TP73: variants seen among roughly 807,000 people sequenced by gnomAD.
TP73 encodes tumor protein p73.
A neutral mutation model predicts 62.5 loss-of-function variants in TP73; 25 were observed. The observed-to-expected ratio is 0.40, with a 90% CI of 0.29 to 0.56. The LOEUF (loss-of-function observed/expected upper bound fraction) is 0.56. TP73 is among the 20% of genes least tolerant of loss of function. TP73 has a pLI of 0.46. For missense variants in TP73, 754 were observed against 913.3 expected (o/e 0.83, Z 2.25); for synonymous variants, 423 against 377.5 (o/e 1.12, Z -1.40).
At chr1:3,702,719 CT>C (rs1639278592) in intron 3 of TP73, among the ~76,000 whole-genome samples, 1 of 152,266 alleles carries the variant, frequency 6.6e-6, no homozygotes, top group African/African-American at 2.4e-5. Context: ...CCGCGCACTC[CT>C]TGGGTCAGGC....
chr1:3,663,695 CAA>C lies in TP73; in HGVS notation c.-34+11068_-34+11069del, dbSNP rs36060423. Among the ~76,000 whole-genome samples the C allele has an allele frequency of 1.9e-4, 25 of 131,114 alleles. No homozygotes were observed. Among genetic ancestry groups the C allele is most frequent in the Non-Finnish European group, 1.7e-4 (10 of 59,592 alleles). The allele number at this position is 131,114 out of a possible 152,430, so 86.0% of individuals were successfully genotyped here. A position where few individuals can be genotyped will look rare whatever the true frequency, so the allele number is the denominator to read the frequency against. On this transcript the variant is annotated intron_variant, in intron 1 of 13. Coordinates refer to ENST00000378295, the MANE Select transcript of TP73 (RefSeq NM_005427.4). The surrounding 1 kb of genome is among the most constrained non-coding windows in gnomAD (Gnocchi z 4.7). ...CGTGCAACAATGCGAGACTCCATCT[CAA>C]AAAAAAAAAAAAAGAAAGAAAGAAA...
rs139554277 is a variant in TP73 at position 3,730,057 on chromosome 1, C to A, written c.1254C>A (p.His418Gln). ...GPVLSPMNKV[H>Q]GGMNKLPSVN... is the part of the protein sequence containing the mutation. The stretch of plus-strand genomic sequence containing the variant: ...TCCTCTCGCCCATGAACAAGGTGCA[C>A]GGGGGCATGAACAAGCTGCCCTCCG... The change falls in exon 11 of 14, where the codon CAC (histidine) becomes CAA (glutamine). Residue 418 changes from histidine (H) to glutamine (Q), a missense_variant. His to Gln is a conservative substitution (Grantham distance 24, BLOSUM62 0). Around this residue, in one of 3 missense-constraint regions of TP73, gnomAD observed 458 missense variants for 528.7 expected, o/e 0.87. Transcript: ENST00000378295. The A allele has an allele frequency of 3.1e-5, 50 of 1,607,644 alleles. No homozygotes were observed. Among genetic ancestry groups the A allele is most frequent in the Non-Finnish European group, 4.1e-5 (48 of 1,177,696 alleles).
chr1:3,653,251 G>C (rs767432155), intron 1 of TP73, among the ~76,000 whole-genome samples: 1 of 152,230 alleles, frequency 6.6e-6, no homozygotes, highest in Admixed American at 6.5e-5. Flanking sequence ...TCTGTCGAGG[G>C]CTCCTGGCCT....
intron 4 of TP73, among the ~76,000 whole-genome samples, chr1:3,719,306 CAA>C (rs1640871229): frequency 6.6e-6 from 1 of 152,210 alleles, no homozygotes; most frequent in South Asian, 2.1e-4. Flanking sequence ...GCTCTGCACA[CAA>C]GAGGTGCTCC....
At chr1:3,723,520 TCG>T in intron 6 of TP73, 51 bp downstream of exon 6, 2 of 588,164 alleles carry the variant, frequency 3.4e-6, no homozygotes, top group East Asian at 3.2e-5. Flanking sequence ...GCTGTACGGG[TCG>T]GGGGAGGGGT....
At chr1:3,671,249 G>T (rs562451450) in intron 1 of TP73, among the ~76,000 whole-genome samples, 1 of 152,194 alleles carries the variant, frequency 6.6e-6, no homozygotes, top group Non-Finnish European at 1.5e-5. Flanking sequence ...AGCTGGGAGC[G>T]TGACGGGAAG....
At chr1:3,684,302 AC>A (rs1645597097) in intron 3 of TP73, among the ~76,000 whole-genome samples, 7 of 152,208 alleles carry the variant, frequency 4.6e-5, no homozygotes, top group African/African-American at 4.8e-5. Flanking sequence ...CTGTGGGGAT[AC>A]GCGGAACAGC....
intron 4 of TP73, 93 bp from the exon 5 acceptor site, chr1:3,721,928 C>T (rs1342638027): frequency 9.6e-6 from 13 of 1,357,374 alleles, no homozygotes; most frequent in Non-Finnish European, 1.3e-5. Flanking sequence ...GAAGGGGCAC[C>T]CATGGGGAGG....
intron 3 of TP73, among the ~76,000 whole-genome samples, chr1:3,702,129 T>C (rs1303333807): frequency 2.6e-5 from 4 of 152,176 alleles, no homozygotes; most frequent in African/African-American, 9.7e-5. Context: ...CGTCCCCAGC[T>C]TGGCCGACGG....
intron 3 of TP73, among the ~76,000 whole-genome samples, chr1:3,693,326 G>C (rs954399297): frequency 2.6e-5 from 4 of 152,210 alleles, no homozygotes; most frequent in Non-Finnish European, 1.5e-5. Context: ...TGGTGGCTTT[G>C]TGAGGCCCTG....
intron 3 of TP73, among the ~76,000 whole-genome samples, chr1:3,687,255 T>G (rs1400796012): frequency 6.6e-6 from 1 of 152,142 alleles, no homozygotes; most frequent in East Asian, 1.9e-4. Flanking sequence ...GAGCCACAGC[T>G]AAAACTGGCC....
intron 4 of TP73, among the ~76,000 whole-genome samples, chr1:3,720,515 T>C (rs917446897): frequency 1.3e-5 from 2 of 152,206 alleles, no homozygotes; most frequent in Non-Finnish European, 2.9e-5. Context: ...CAGACCAGCG[T>C]TCCTGGCTGG....
chr1:3,708,341 C>A (rs1639849174), intron 4 of TP73: 1 of 165,680 alleles, frequency 6.0e-6, no homozygotes, highest in Non-Finnish European at 1.3e-5. Context: ...CAGGTCCTCA[C>A]TGCGGTGCCC....
At chr1:3,660,428 G>A (rs546672321) in intron 1 of TP73, among the ~76,000 whole-genome samples, 1 of 152,244 alleles carries the variant, frequency 6.6e-6, no homozygotes, top group Non-Finnish European at 1.5e-5. Flanking sequence ...TGATATTCCG[G>A]TCAAACACTT....
intron 1 of TP73, among the ~76,000 whole-genome samples, chr1:3,679,847 CTCTG>C (rs1645477490): frequency 6.7e-6 from 1 of 150,234 alleles, no homozygotes; most frequent in South Asian, 2.1e-4. Context: ...CCTTGTATCT[CTCTG>C]TCTCTCTTTG....
chr1:3,733,873 T>C lies in TP73; in HGVS notation c.*794T>C, dbSNP rs1642314346. 6.6e-6 allele frequency: 1 copy of C among 151,774 alleles called. No homozygotes were observed. The highest frequency in any genetic ancestry group is 2.4e-5 in the African/African-American group (1 of 41,328). The allele number at this position is 151,774 out of a possible 1,614,324, so 9.4% of individuals were successfully genotyped here. ...AGCCTGTCCTTAGAGGACTGGAAAT[T>C]GTCAATATTTGATAAAATGATACCC... On this transcript the variant is annotated 3_prime_UTR_variant, in exon 14 of 14. Coordinates refer to ENST00000378295, the MANE Select transcript of TP73 (RefSeq NM_005427.4).
intron 4 of TP73, among the ~76,000 whole-genome samples, chr1:3,709,716 C>G (rs1639974776): frequency 3.3e-5 from 5 of 152,242 alleles, no homozygotes; most frequent in Non-Finnish European, 2.9e-5. Context: ...AGTCCACTCT[C>G]TCCCCTCTAA....
Position 3,722,258 on chromosome 1 carries a change from G to A in TP73, c.616+51G>A, listed in dbSNP as rs370902308. 5.9e-4 allele frequency: 947 copies of A among 1,600,816 alleles called. 10 individuals carry two copies. In the East Asian group the frequency reaches 0.017, roughly 28 times the overall value. ...ACGGTGGCACTTTGCCCAGCATCCC[G>A]GACAGCACAGCCGGGGGCTGCCTAA... On this transcript the variant is annotated intron_variant, in intron 5 of 13. Coordinates refer to ENST00000378295, the MANE Select transcript of TP73 (RefSeq NM_005427.4).
chr1:3,690,354 G>A (rs774663475), intron 3 of TP73, among the ~76,000 whole-genome samples: 3 of 152,244 alleles, frequency 2.0e-5, no homozygotes, highest in South Asian at 4.1e-4. Context: ...CAAGGGAGGC[G>A]ACACCATCTC....
Sources: allele counts gnomAD v4.1 joint callset (sites outside exome capture counted in the v4.1 genomes callset), GRCh38; gene constraint gnomAD v4.1.1; regional missense constraint gnomAD v4.1.1; non-coding constraint Gnocchi (gnomAD v3.1); transcripts MANE v1.5; gene names NCBI Gene and HGNC (gene_info 2026-07-23, HGNC 2026-07-21).